Variants in UBE2V1 observed in about 807,000 individuals in gnomAD.
UBE2V1 encodes the protein ubiquitin conjugating enzyme E2 V1, also known as ubiquitin-conjugating enzyme E2 variant 1.
UBE2V1 carries 15 observed loss-of-function variants against 19.6 expected under a neutral mutation model. That is an observed-to-expected ratio of 0.77 (90% CI 0.51 to 1.18). The LOEUF is 1.18. Among genes scored for constraint, UBE2V1 ranks in the 50% most tolerant of loss-of-function variants. The pLI is 0.00. For synonymous variants in UBE2V1, 60 were observed against 60.7 expected, an observed-to-expected ratio of 0.99 and a Z score of 0.05; for missense variants, 125 against 184.8, an observed-to-expected ratio of 0.68 and a Z score of 1.88.
At chr20:50,107,043 G>A (rs1290191675) in intron 1 of UBE2V1, among the ~76,000 whole-genome samples, 5 of 152,108 alleles carry the variant, frequency 3.3e-5, no homozygotes. Flanking sequence ...TGATGCACTG[G>A]GATTCAACGT....
intron 1 of UBE2V1, among the ~76,000 whole-genome samples, chr20:50,110,511 A>G (rs1284927400): frequency 6.6e-6 from 1 of 152,124 alleles, no homozygotes; most frequent in Non-Finnish European, 1.5e-5. Context: ...CCCTGACCAC[A>G]CCTGGAAGAC....
At chr20:50,097,842 G>C (rs966888961) in intron 1 of UBE2V1, among the ~76,000 whole-genome samples, 28 of 152,212 alleles carry the variant, frequency 1.8e-4, no homozygotes, top group African/African-American at 6.5e-4. Flanking sequence ...AGGGACCCCA[G>C]ATTGTGGGAG....
chr20:50,094,977 C>G (rs1043296471), intron 2 of UBE2V1: 28 of 152,164 alleles, frequency 1.8e-4, no homozygotes, highest in African/African-American at 6.5e-4. Flanking sequence ...AACTGAAATT[C>G]AGGGTAGCCC....
intron 1 of UBE2V1, among the ~76,000 whole-genome samples, chr20:50,110,158 G>A (rs2080660564): frequency 2.0e-5 from 3 of 152,230 alleles, no homozygotes; most frequent in Admixed American, 6.5e-5. Flanking sequence ...AGGGAAGCTC[G>A]TGGGCTGCTG....
intron 2 of UBE2V1, among the ~76,000 whole-genome samples, chr20:50,089,671 T>C (rs2079111942): frequency 1.3e-5 from 2 of 152,120 alleles, no homozygotes; most frequent in Admixed American, 6.5e-5. Context: ...TTATCCTTTG[T>C]ACAGAGACTC....
At chr20:50,103,862 T>C (rs1049441069) in intron 1 of UBE2V1, among the ~76,000 whole-genome samples, 1 of 151,582 alleles carries the variant, frequency 6.6e-6, no homozygotes, top group African/African-American at 2.4e-5. Flanking sequence ...CCTTTTTTAT[T>C]GTCTGACTCA....
At chr20:50,092,047 G>A (rs534650130) in intron 2 of UBE2V1, among the ~76,000 whole-genome samples, 38 of 152,260 alleles carry the variant, frequency 2.5e-4, no homozygotes, top group Middle Eastern at 3.4e-3. Context: ...TTGGCCGGGT[G>A]TGGTGGGCTC....
upstream of UBE2V1, chr20:50,113,156 C>T (rs774092036): frequency 1.6e-4 from 215 of 1,319,046 alleles, 1 homozygote; most frequent in Non-Finnish European, 2.0e-4. Flanking sequence ...TGAAGGCCGG[C>T]CCCTTCTTCA....
intron 1 of UBE2V1, chr20:50,098,951 C>T (rs2079810094): frequency 1.0e-6 from 1 of 985,286 alleles, no homozygotes; most frequent in Non-Finnish European, 1.2e-6. Flanking sequence ...TTCAGCTATA[C>T]TGGATTAAGT....
chr20:50,086,969 TG>T lies in UBE2V1; in HGVS notation c.172-2716del, dbSNP rs548853233. ...GTGGGCGCCTATAGTCCCAGCTACTTGTGAGGCTGAGGCAGGAGAATGGCAC... is the reference window on the plus strand; with the variant it reads ...GTGGGCGCCTATAGTCCCAGCTACTTTGAGGCTGAGGCAGGAGAATGGCAC... On this transcript the variant is annotated intron_variant, in intron 2 of 3. Transcript: ENST00000371674. Among the ~76,000 whole-genome samples the T allele has an allele frequency of 3.3e-5, 5 of 151,980 alleles. No homozygotes were observed. In the South Asian group the frequency reaches 1.0e-3, roughly 32 times the overall value.
At position 50,084,800 on chromosome 20, in the gene UBE2V1, T is replaced by C. The variant is rs751843445; in HGVS notation, c.172-546A>G. 6 of 282,864 alleles carry C rather than the reference T, an allele frequency of 2.1e-5. No individual in the cohort carries two copies. The East Asian group carries it at 5.2e-4, about 25-fold the overall frequency. 17.5% of individuals were successfully genotyped at this position (282,864 alleles called of 1,614,324 possible). ...AAGGGATTTCAACTGGGGTGTTCCA[T>C]CCCTCCCTGCAGTCTTTTTTTTTTT... On this transcript the variant is annotated intron_variant, in intron 2 of 3. Coordinates refer to ENST00000371674, the MANE Select transcript of UBE2V1 (RefSeq NM_001032288.3).
intron 2 of UBE2V1, among the ~76,000 whole-genome samples, chr20:50,090,647 G>A (rs945099102): frequency 6.6e-6 from 1 of 152,206 alleles, no homozygotes; most frequent in African/African-American, 2.4e-5. Context: ...GTGGTTGACA[G>A]GGACCAGGGT....
intron 2 of UBE2V1, among the ~76,000 whole-genome samples, chr20:50,085,605 G>A (rs895252619): frequency 6.6e-6 from 1 of 152,146 alleles, no homozygotes; most frequent in African/African-American, 2.4e-5. Context: ...AAGGAGTCTT[G>A]TACTGCATAA....
At chr20:50,094,219 T>TATGCATTCTATAATATATA (rs2079459622) in intron 2 of UBE2V1, among the ~76,000 whole-genome samples, 1 of 65,036 alleles carries the variant, frequency 1.5e-5, no homozygotes, top group Non-Finnish European at 2.8e-5. Context: ...ATATATAACA[T>TATGCATTCTATAATATATA]ATGCATTATA....
intron 2 of UBE2V1, among the ~76,000 whole-genome samples, chr20:50,093,826 C>T (rs997727269): frequency 5.3e-5 from 8 of 150,768 alleles, no homozygotes; most frequent in Admixed American, 4.6e-4. Context: ...CCCGTCTCTA[C>T]TAAAAATACA....
intron 1 of UBE2V1, among the ~76,000 whole-genome samples, chr20:50,105,854 C>T (rs371113314): frequency 3.3e-5 from 5 of 151,896 alleles, no homozygotes; most frequent in South Asian, 2.1e-4. Context: ...CACTTGAACC[C>T]GGGAGGTGGA....
intron 1 of UBE2V1, among the ~76,000 whole-genome samples, chr20:50,100,285 T>TAA (rs34807999): frequency 1.1e-3 from 137 of 122,162 alleles, no homozygotes; most frequent in African/African-American, 2.2e-3. Context: ...TGTCTCTATT[T>TAA]AAAAAAAAAA....
intron 1 of UBE2V1, chr20:50,109,179 C>T: frequency 1.0e-6 from 1 of 962,850 alleles, no homozygotes; most frequent in Non-Finnish European, 1.2e-6. Flanking sequence ...AAAGCACTAT[C>T]CACAATACAA....
At chr20:50,096,928 A>C in intron 1 of UBE2V1, 108 bp from the exon 2 acceptor site, 22 of 1,518,846 alleles carry the variant, frequency 1.4e-5, no homozygotes, top group Non-Finnish European at 1.9e-5. Context: ...GCTAACATGC[A>C]AAAAAATCAC....
Sources: allele counts gnomAD v4.1 joint callset (sites outside exome capture counted in the v4.1 genomes callset), GRCh38; gene constraint gnomAD v4.1.1; transcripts MANE v1.5; gene names NCBI Gene and HGNC (gene_info 2026-07-23, HGNC 2026-07-21).